The following ZNF782 variants were observed in gnomAD, a reference collection of about 807,000 sequenced individuals.
ZNF782 encodes the protein zinc finger protein 782.
ZNF782 carries 12 observed loss-of-function variants against 13.0 expected under a neutral mutation model. That is an observed-to-expected ratio of 0.92 (90% CI 0.59 to 1.50). The LOEUF is 1.50. Ranked by LOEUF, ZNF782 falls within the 40% of genes most tolerant of loss-of-function variation. ZNF782 has a pLI of 0.00. For missense variants in ZNF782, 770 were observed against 822.9 expected, an observed-to-expected ratio of 0.94 and a Z score of 0.79; for synonymous variants, 284 against 283.0, an observed-to-expected ratio of 1.00 and a Z score of -0.04.
the ZNF782 span, chr9:96,929,176 C>A: frequency 5.7e-6 from 8 of 1,407,732 alleles, no homozygotes; most frequent in African/African-American, 1.4e-5. Flanking sequence ...GGACATCACA[C>A]CTGGGGATGG....
intron 3 of ZNF782, among the ~76,000 whole-genome samples, chr9:96,846,546 C>T (rs1851344264): frequency 6.6e-6 from 1 of 151,964 alleles, no homozygotes; most frequent in Non-Finnish European, 1.5e-5. Context: ...AGTAGCTATT[C>T]TTATATCAGA....
chr9:96,899,494 A>C, the ZNF782 span, among the ~76,000 whole-genome samples: 2 of 152,228 alleles, frequency 1.3e-5, no homozygotes, highest in Non-Finnish European at 2.9e-5. Flanking sequence ...CATAGGTACT[A>C]TATTGGTTCA....
At chr9:96,884,077 A>G in the ZNF782 span, among the ~76,000 whole-genome samples, 8 of 152,244 alleles carry the variant, frequency 5.3e-5, no homozygotes, top group Admixed American at 3.3e-4. Flanking sequence ...ACCCTGTGGA[A>G]GCAAGCAAGG....
rs1851841936 is a variant in ZNF782 at position 96,872,708 on chromosome 9, G to GT, written c.-457+2759dup. Among the ~76,000 whole-genome samples, 3 of 152,146 alleles carry GT rather than the reference G, an allele frequency of 2.0e-5. No homozygotes were observed. In the South Asian group the frequency reaches 6.2e-4, roughly 32 times the overall value. On this transcript the variant is annotated intron_variant, in intron 1 of 5. Coordinates refer to the ZNF782 transcript ENST00000498811. ...TGCCTCTATGTAAGACATAATATTT[G>GT]TTTTTTCTGGCTTAAGCTCTTTTCA...
intron 3 of ZNF782, among the ~76,000 whole-genome samples, chr9:96,845,690 A>T (rs1422065807): frequency 6.6e-6 from 1 of 152,260 alleles, no homozygotes. Flanking sequence ...GTCTCCAAGA[A>T]ATATGAAATT....
chr9:96,908,704 TA>T, the ZNF782 span, among the ~76,000 whole-genome samples: 1 of 90,288 alleles, frequency 1.1e-5, no homozygotes, highest in Non-Finnish European at 2.4e-5. Context: ...AGCTGCTAAC[TA>T]ATCGAGGGTC....
At chr9:96,833,726 G>A (rs1850885307) in intron 4 of ZNF782, among the ~76,000 whole-genome samples, 1 of 152,170 alleles carries the variant, frequency 6.6e-6, no homozygotes, top group South Asian at 2.1e-4. Context: ...CACTACAGCA[G>A]AGGAGAATTA....
the ZNF782 span, among the ~76,000 whole-genome samples, chr9:96,915,126 C>A: frequency 1.3e-5 from 2 of 151,718 alleles, no homozygotes; most frequent in Non-Finnish European, 2.9e-5. Flanking sequence ...CTTTGTTCAA[C>A]CTGATTCTAC....
intron 1 of ZNF782, among the ~76,000 whole-genome samples, chr9:96,870,100 T>C (rs778178320): frequency 6.6e-6 from 1 of 152,120 alleles, no homozygotes; most frequent in Non-Finnish European, 1.5e-5. Context: ...CCTTAGAGAG[T>C]TGACAGAACT....
At chr9:96,930,644 T>C in the ZNF782 span, among the ~76,000 whole-genome samples, 1 of 149,082 alleles carries the variant, frequency 6.7e-6, no homozygotes, top group East Asian at 2.0e-4. Flanking sequence ...ACAATGACAA[T>C]ATCTCAGGGG....
chr9:96,844,958 A>ACTCC lies in ZNF782; in HGVS notation c.73_74insGGAG (p.Met25ArgfsTer6). 1 of 1,613,980 alleles carries ACTCC rather than the reference A, an allele frequency of 6.2e-7. No homozygotes were observed. The highest frequency in any genetic ancestry group is 8.5e-7 in the Non-Finnish European group (1 of 1,179,944). ...GTACAGGGTCCTCTCAACAGGGCCCATGTGCTGCCACTCCTCCTGGCTGAA... is the reference window on the plus strand; with the variant it reads ...GTACAGGGTCCTCTCAACAGGGCCCACTCCTGTGCTGCCACTCCTCCTGGCTGAA... On this transcript the variant is annotated frameshift_variant, in exon 4 of 6. Transcript: ENST00000481138. LOFTEE classifies it high-confidence loss of function.
At chr9:96,875,686 G>A (rs755583531), upstream of ZNF782, 23 of 442,396 alleles carry the variant, frequency 5.2e-5, no homozygotes, top group Non-Finnish European at 8.6e-5. Context: ...AGCGTGAGGG[G>A]GTCGATCCTG....
intron 1 of ZNF782, chr9:96,875,413 C>T: frequency 1.3e-5 from 6 of 454,226 alleles, no homozygotes; most frequent in South Asian, 9.3e-5. Flanking sequence ...CATTAACACC[C>T]TCATTTTCAG....
chr9:96,889,146 A>T, the ZNF782 span: 1 of 152,108 alleles, frequency 6.6e-6, no homozygotes, highest in Non-Finnish European at 1.5e-5. Flanking sequence ...TTCTTTCTAC[A>T]TTACTCCTCC....
At chr9:96,876,400 T>C (rs1323824866), upstream of ZNF782, among the ~76,000 whole-genome samples, 1 of 152,220 alleles carries the variant, frequency 6.6e-6, no homozygotes, top group African/African-American at 2.4e-5. Flanking sequence ...TGCATGGCTA[T>C]AGATAGATGC....
rs557728949 is a variant in ZNF782 at position 96,817,623 on chromosome 9, G to T, written c.*300C>A. 14 of 261,736 alleles carry T rather than the reference G, an allele frequency of 5.3e-5. No individual in the cohort carries two copies. The highest frequency in any genetic ancestry group is 2.4e-4 in the African/African-American group (11 of 45,530). 16.2% of individuals were successfully genotyped at this position (261,736 alleles called of 1,614,324 possible). ...ATTACTTTCTCAGAGCTTTTCTGCA[G>T]CGTGAGTTTTCTGAGGAGTGAGTTC... On this transcript the variant is annotated 3_prime_UTR_variant, in exon 6 of 6. Transcript: ENST00000481138.
At chr9:96,907,398 G>A in the ZNF782 span, among the ~76,000 whole-genome samples, 7 of 151,986 alleles carry the variant, frequency 4.6e-5, no homozygotes, top group Non-Finnish European at 4.4e-5. Flanking sequence ...TTTGCAAGAC[G>A]AAAAAGTTCT....
chr9:96,844,631 G>A (rs1179928448), intron 4 of ZNF782, among the ~76,000 whole-genome samples: 2 of 152,154 alleles, frequency 1.3e-5, no homozygotes, highest in Non-Finnish European at 2.9e-5. Context: ...GAATCTTCTG[G>A]GGGGTGATAA....
At chr9:96,846,724 A>G (rs560014169) in intron 3 of ZNF782, among the ~76,000 whole-genome samples, 6 of 152,322 alleles carry the variant, frequency 3.9e-5, no homozygotes, top group Admixed American at 3.9e-4. Context: ...GAAATGAGAT[A>G]GACAGCAATA....
Sources: allele counts gnomAD v4.1 joint callset (sites outside exome capture counted in the v4.1 genomes callset), GRCh38; gene constraint gnomAD v4.1.1; transcripts MANE v1.5; gene names NCBI Gene and HGNC (gene_info 2026-07-23, HGNC 2026-07-21).